ITGB5: variants seen among roughly 807,000 people sequenced by gnomAD.
ITGB5 encodes integrin beta-5.
Under a neutral mutation model 84.8 loss-of-function variants are expected in ITGB5, and 38 were observed. The observed-to-expected ratio is 0.45, with a 90% CI of 0.35 to 0.59. The LOEUF (loss-of-function observed/expected upper bound fraction) is 0.59. Ranked by LOEUF, ITGB5 falls within the 20% of genes least tolerant of loss-of-function variation. The pLI is 0.01. For synonymous variants in ITGB5, 393 were observed against 414.4 expected, an observed-to-expected ratio of 0.95 and a Z score of 0.63; for missense variants, 905 against 1,034.5, an observed-to-expected ratio of 0.87 and a Z score of 1.72.
At chr3:124,879,059 G>A (rs1390796242) in intron 1 of ITGB5, among the ~76,000 whole-genome samples, 3 of 152,194 alleles carry the variant, frequency 2.0e-5, no homozygotes, top group Admixed American at 6.5e-5. Context: ...TCACCCCTGT[G>A]TTTCATCAAT....
Position 124,763,645 on chromosome 3 carries a change from G to T in ITGB5, c.2378C>A (p.Ser793Tyr). 6.3e-7 allele frequency: 1 copy of T among 1,599,856 alleles called. No individual in the cohort carries two copies. Among genetic ancestry groups the T allele is most frequent in the Non-Finnish European group, 8.6e-7 (1 of 1,167,560 alleles). Residue 793 changes from serine (S) to tyrosine (Y), a missense_variant, in exon 15 of 15, where the codon TCC becomes TAC. Around this residue, in one of 3 missense-constraint regions of ITGB5, gnomAD observed 133 missense variants for 122.8 expected, o/e 1.08. Coordinates refer to ENST00000296181, the MANE Select transcript of ITGB5 (RefSeq NM_002213.5). ...VDFTFNKFNK[S>Y]YNGTVD Reference sequence around the variant, plus strand: ...ACATCAGTCCACAGTGCCATTGTAGGATTTGTTGAACTTGTTGAAGGTGAA... The same window carrying T: ...ACATCAGTCCACAGTGCCATTGTAGTATTTGTTGAACTTGTTGAAGGTGAA...
intron 1 of ITGB5, among the ~76,000 whole-genome samples, chr3:124,876,618 C>A (rs569977067): frequency 1.8e-4 from 28 of 152,300 alleles, no homozygotes; most frequent in Non-Finnish European, 3.4e-4. Context: ...GAGAAACAGG[C>A]AGAAGCTGAG....
At chr3:124,830,161 T>G (rs1252321475) in intron 5 of ITGB5, among the ~76,000 whole-genome samples, 1 of 152,152 alleles carries the variant, frequency 6.6e-6, no homozygotes, top group African/African-American at 2.4e-5. Context: ...GTGGAGCAAT[T>G]TGGCTTCTTA....
intron 8 of ITGB5, among the ~76,000 whole-genome samples, chr3:124,817,151 G>A (rs932183231): frequency 1.3e-5 from 2 of 152,208 alleles, no homozygotes; most frequent in African/African-American, 4.8e-5. Flanking sequence ...ATGAGCCTGA[G>A]GGATTCCCGC....
chr3:124,895,437 C>T (rs1397781062), intron 1 of ITGB5, among the ~76,000 whole-genome samples: 1 of 152,154 alleles, frequency 6.6e-6, no homozygotes, highest in Non-Finnish European at 1.5e-5. Flanking sequence ...GTTGCTCATG[C>T]TGGTCTTGAA....
intron 5 of ITGB5, among the ~76,000 whole-genome samples, chr3:124,825,777 T>C (rs1203126528): frequency 2.0e-5 from 3 of 152,182 alleles, no homozygotes; most frequent in African/African-American, 2.4e-5. Flanking sequence ...TATAAGACTT[T>C]ATACCTAAAA....
chr3:124,788,530 A>T (rs181372234), intron 10 of ITGB5, among the ~76,000 whole-genome samples: 6 of 152,290 alleles, frequency 3.9e-5, no homozygotes, highest in Admixed American at 3.9e-4. Flanking sequence ...CTCATTCCTT[A>T]TGATGAGTTA....
chr3:124,872,153 T>A (rs574771455), intron 2 of ITGB5, among the ~76,000 whole-genome samples: 1 of 152,242 alleles, frequency 6.6e-6, no homozygotes, highest in African/African-American at 2.4e-5. Context: ...AAGGTTTATA[T>A]GTTGGGAAGA....
intron 10 of ITGB5, among the ~76,000 whole-genome samples, chr3:124,788,716 C>T (rs774773554): frequency 2.3e-4 from 35 of 152,154 alleles, no homozygotes; most frequent in Middle Eastern, 3.2e-3. Flanking sequence ...AGAGAGGGGT[C>T]CTTCCTGTGG....
At chr3:124,766,907 C>G (rs1579163505) in intron 12 of ITGB5, among the ~76,000 whole-genome samples, 2 of 152,354 alleles carry the variant, frequency 1.3e-5, no homozygotes, top group Admixed American at 1.3e-4. Flanking sequence ...TAAAGTGAGA[C>G]AGTGTGGAAC....
chr3:124,806,796 G>GTT (rs10654284), intron 9 of ITGB5, among the ~76,000 whole-genome samples: 1,502 of 147,510 alleles, frequency 0.01, 26 homozygotes, highest in African/African-American at 0.03. Context: ...AAGCATTAGT[G>GTT]TTTTTTTTTT....
chr3:124,855,636 C>T (rs530434644), intron 3 of ITGB5, among the ~76,000 whole-genome samples: 1 of 152,328 alleles, frequency 6.6e-6, no homozygotes, highest in Admixed American at 6.5e-5. Context: ...TCTCTTCAGA[C>T]TGAACCCTCT....
At chr3:124,785,311 C>T (rs1415366231) in intron 10 of ITGB5, among the ~76,000 whole-genome samples, 1 of 151,240 alleles carries the variant, frequency 6.6e-6, no homozygotes, top group Non-Finnish European at 1.5e-5. Flanking sequence ...TGTCCGGGCG[C>T]GGTGGCTCAC....
chr3:124,822,031 T>C (rs1324909099), intron 5 of ITGB5, among the ~76,000 whole-genome samples: 1 of 152,216 alleles, frequency 6.6e-6, no homozygotes, highest in Non-Finnish European at 1.5e-5. Flanking sequence ...CTGGTAGATA[T>C]AAACCATTCC....
intron 9 of ITGB5, among the ~76,000 whole-genome samples, chr3:124,807,891 G>A (rs1324556006): frequency 5.3e-5 from 7 of 131,236 alleles, no homozygotes; most frequent in Non-Finnish European, 9.3e-5. Flanking sequence ...GCAGTGAGCC[G>A]AGATCGTGCC....
At chr3:124,814,506 T>A (rs982394788) in intron 8 of ITGB5, among the ~76,000 whole-genome samples, 20 of 147,782 alleles carry the variant, frequency 1.4e-4, no homozygotes, top group African/African-American at 4.9e-4. Context: ...AGACAGAGTC[T>A]CACTCTGTCA....
chr3:124,806,128 C>T (rs1055826938), intron 9 of ITGB5, among the ~76,000 whole-genome samples: 16 of 152,102 alleles, frequency 1.1e-4, no homozygotes, highest in Non-Finnish European at 1.8e-4. Flanking sequence ...GCTACAAATC[C>T]GCATGACTGT....
intron 5 of ITGB5, among the ~76,000 whole-genome samples, chr3:124,824,656 A>G (rs1421924917): frequency 6.6e-5 from 10 of 152,248 alleles, no homozygotes; most frequent in Admixed American, 6.5e-4. Flanking sequence ...ATTTGTTTAC[A>G]GAATATATAA....
Position 124,773,797 on chromosome 3 carries a change from G to T in ITGB5, c.1809C>A (p.Ser603Arg). The part of the protein sequence containing the change: ...TCRGRDGQIC[S>R]ERGHCLCGQC... ...GCCCACAGAGACAGTGCCCACGCTC[G>T]CTGCAGATCTGGCCATCTCTGCCCC... The change falls in exon 11 of 15, where the codon AGC becomes AGA. Residue 603 changes from serine to arginine, a missense_variant. Ser to Arg is a moderately radical substitution (Grantham distance 110). Transcript: ENST00000296181. 6.2e-7 allele frequency: 1 copy of T among 1,613,862 alleles called. No individual in the cohort carries two copies. Among genetic ancestry groups the T allele is most frequent in the Non-Finnish European group, 8.5e-7 (1 of 1,180,038 alleles).
Sources: gnomAD v4.1 joint callset for allele counts (sites outside exome capture counted in the v4.1 genomes callset) on GRCh38, gnomAD v4.1.1 for gene constraint, gnomAD v4.1.1 regional missense constraint, MANE v1.5 for transcripts, NCBI Gene and HGNC (gene_info 2026-07-23, HGNC 2026-07-21) for gene names.